The following CREBBP variants were observed in gnomAD, a reference collection of about 807,000 sequenced individuals.
CREBBP encodes CREB binding lysine acetyltransferase.
In CREBBP, 19 loss-of-function variants were observed where a neutral mutation model predicts 265.0. The observed-to-expected ratio is 0.07, with a 90% confidence interval of 0.05 to 0.11. The LOEUF is 0.11. Ranked by LOEUF, CREBBP falls within the 10% of genes least tolerant of loss-of-function variation. The pLI, the probability that CREBBP is intolerant of heterozygous loss-of-function variation, is 1.00. For synonymous variants in CREBBP, 1,457 were observed against 1,223.7 expected, an observed-to-expected ratio of 1.19 and a Z score of -3.98; for missense variants, 2,525 against 3,219.0, an observed-to-expected ratio of 0.78 and a Z score of 5.22.
intron 12 of CREBBP, 39 bp downstream of exon 12, chr16:3,774,530 G>T (rs2141219288): frequency 1.2e-6 from 2 of 1,613,242 alleles, no homozygotes; most frequent in Non-Finnish European, 1.7e-6. Context: ...CCATGTGAGA[G>T]GGAGGGCTAT....
At chr16:3,777,869 G>T (rs2053181794) in intron 10 of CREBBP, 142 bp downstream of exon 10, 1 of 1,144,526 alleles carries the variant, frequency 8.7e-7, no homozygotes, top group Non-Finnish European at 1.3e-6. Flanking sequence ...TGAGGCAGGT[G>T]GTCAGGGCCA....
chr16:3,829,982 C>G (rs990451280), intron 2 of CREBBP, among the ~76,000 whole-genome samples: 2 of 152,046 alleles, frequency 1.3e-5, no homozygotes, highest in Non-Finnish European at 2.9e-5. Context: ...AACCTAAACC[C>G]AACAATTATC....
intron 5 of CREBBP, among the ~76,000 whole-genome samples, chr16:3,786,604 A>G (rs1466237951): frequency 2.0e-5 from 3 of 152,140 alleles, no homozygotes; most frequent in East Asian, 3.9e-4. Context: ...CACCAGCACG[A>G]GAGTGAGCCA....
Position 3,753,203 on chromosome 16 carries a change from C to T in CREBBP, c.3699-1397G>A, listed in dbSNP as rs938582803. 7.9e-5 allele frequency among the ~76,000 whole-genome samples: 12 copies of T among 152,220 alleles called. No individual in the cohort carries two copies. The East Asian group carries it at 1.5e-3, about 20-fold the overall frequency. ...AGTCTCACTCACTTGCGCACTCACA[C>T]GGCTACAGAAGACTGAGGCGTGGGC... On this transcript the variant is annotated intron_variant, in intron 19 of 30. Coordinates refer to ENST00000262367, the MANE Select transcript of CREBBP (RefSeq NM_004380.3).
At chr16:3,778,615 C>T (rs1255693751) in intron 9 of CREBBP, 85 bp downstream of exon 9, 2 of 1,156,436 alleles carry the variant, frequency 1.7e-6, no homozygotes, top group Non-Finnish European at 2.6e-6. Context: ...ATAGATTCCA[C>T]TATTTCCAGA....
chr16:3,736,255 C>G, intron 27 of CREBBP, 52 bp from the exon 28 acceptor site: 1 of 1,579,198 alleles, frequency 6.3e-7, no homozygotes, highest in Non-Finnish European at 8.7e-7. Context: ...GCGTGCCCCC[C>G]ACCATGGTGC....
At chr16:3,810,280 C>T (rs971923811) in intron 3 of CREBBP, among the ~76,000 whole-genome samples, 1 of 152,152 alleles carries the variant, frequency 6.6e-6, no homozygotes, top group Non-Finnish European at 1.5e-5. Context: ...CACTAACAAA[C>T]AGGAAGTGTA....
chr16:3,788,238 TA>T (rs1408360303), intron 5 of CREBBP, among the ~76,000 whole-genome samples: 2 of 152,238 alleles, frequency 1.3e-5, no homozygotes, highest in Non-Finnish European at 2.9e-5. Context: ...CTGGCCCAGA[TA>T]CCTGGTCTTC....
At chr16:3,740,118 C>T (rs2052165071) in intron 24 of CREBBP, among the ~76,000 whole-genome samples, 1 of 152,136 alleles carries the variant, frequency 6.6e-6, no homozygotes, top group Non-Finnish European at 1.5e-5. Flanking sequence ...AAATTAGGCA[C>T]AGCAAGAGAT....
intron 23 of CREBBP, among the ~76,000 whole-genome samples, chr16:3,744,054 G>A (rs1333517309): frequency 3.3e-5 from 5 of 152,068 alleles, no homozygotes; most frequent in Admixed American, 1.3e-4. Flanking sequence ...CCAGCCTGGC[G>A]ACAGAGCGAG....
intron 3 of CREBBP, among the ~76,000 whole-genome samples, chr16:3,794,656 G>T (rs1394064726): frequency 6.6e-6 from 1 of 152,126 alleles, no homozygotes. Flanking sequence ...ATACAGAAAG[G>T]GTTTGCTTTC....
intron 1 of CREBBP, among the ~76,000 whole-genome samples, chr16:3,867,757 T>TA (rs756198312): frequency 0.018 from 1,658 of 94,490 alleles, 21 homozygotes; most frequent in African/African-American, 0.037. Context: ...GTATCTCTAC[T>TA]AAAAAAAAAA....
intron 5 of CREBBP, among the ~76,000 whole-genome samples, chr16:3,789,189 C>T (rs936509633): frequency 7.2e-5 from 11 of 152,148 alleles, no homozygotes; most frequent in African/African-American, 2.7e-4. Context: ...AGTCCCGGGG[C>T]CCCTAAGGCA....
chr16:3,860,114 C>A (rs937872930), intron 1 of CREBBP, among the ~76,000 whole-genome samples: 1 of 151,990 alleles, frequency 6.6e-6, no homozygotes, highest in Non-Finnish European at 1.5e-5. Flanking sequence ...AGTGCCTACT[C>A]GGTGTGTGTG....
chr16:3,834,434 G>C (rs2054402411), intron 2 of CREBBP, among the ~76,000 whole-genome samples: 1 of 152,034 alleles, frequency 6.6e-6, no homozygotes, highest in Non-Finnish European at 1.5e-5. Context: ...AAATGAATGA[G>C]GCCAATGAGA....
chr16:3,738,806 C>T (rs561412496), intron 25 of CREBBP, 134 bp from the exon 26 acceptor site: 171 of 694,936 alleles, frequency 2.5e-4, no homozygotes, highest in Middle Eastern at 4.8e-4. Context: ...AATGCGGTGA[C>T]GCGGTCACAG....
chr16:3,795,558 C>G (rs1040210372), intron 3 of CREBBP, among the ~76,000 whole-genome samples: 4 of 152,162 alleles, frequency 2.6e-5, no homozygotes, highest in Non-Finnish European at 5.9e-5. Flanking sequence ...ACTCTTTTAA[C>G]TTTATACTCA....
chr16:3,857,828 G>A (rs1422142668), intron 1 of CREBBP, among the ~76,000 whole-genome samples: 1 of 152,204 alleles, frequency 6.6e-6, no homozygotes, highest in Non-Finnish European at 1.5e-5. Flanking sequence ...TGCCAACCAG[G>A]AGGCTACCCC....
chr16:3,852,153 A>ATTT (rs1279166656), intron 1 of CREBBP, among the ~76,000 whole-genome samples: 8 of 105,826 alleles, frequency 7.6e-5, no homozygotes, highest in African/African-American at 2.6e-4. Flanking sequence ...CCAATCTTAA[A>ATTT]TTTGTTTTTT....
Sources: allele counts gnomAD v4.1 joint callset (sites outside exome capture counted in the v4.1 genomes callset), GRCh38; gene constraint gnomAD v4.1.1; transcripts MANE v1.5; gene names NCBI Gene and HGNC (gene_info 2026-07-23, HGNC 2026-07-21).